The following METAP1 variants were observed in gnomAD, a reference collection of about 807,000 sequenced individuals.
METAP1 encodes methionine aminopeptidase 1.
A neutral mutation model predicts 53.8 loss-of-function variants in METAP1; 28 were observed. The observed-to-expected ratio is 0.52, with a 90% CI of 0.39 to 0.71. The LOEUF (loss-of-function observed/expected upper bound fraction) is 0.71, where lower values mean the gene tolerates loss of function less well. Among genes scored for constraint, METAP1 ranks in the 30% least tolerant of loss-of-function variants. METAP1 has a pLI of 0.00. For synonymous variants in METAP1, 181 were observed against 165.7 expected (o/e 1.09, Z -0.71); for missense variants, 389 against 479.8 (o/e 0.81, Z 1.77).
At chr4:99,026,995 C>A in intron 1 of METAP1, 2 of 359,120 alleles carry the variant, frequency 5.6e-6, no homozygotes, top group South Asian at 1.1e-4. Flanking sequence ...ATTCTATCAG[C>A]CCTCTTGTTA....
chr4:99,015,715 T>C (rs189291298), intron 1 of METAP1, among the ~76,000 whole-genome samples: 30 of 152,306 alleles, frequency 2.0e-4, no homozygotes, highest in African/African-American at 5.5e-4. Context: ...CATAGATATT[T>C]TTCTGAAGAG....
chr4:98,998,384 G>A (rs1321198565), intron 1 of METAP1, among the ~76,000 whole-genome samples: 7 of 151,996 alleles, frequency 4.6e-5, no homozygotes, highest in East Asian at 1.9e-4. Context: ...TTAGCTGGGC[G>A]TGGTGGCACA....
Position 99,025,308 on chromosome 4 carries a change from G to A in METAP1, c.115-3559G>A, listed in dbSNP as rs575546161. On this transcript the variant is annotated intron_variant, in intron 1 of 10. Transcript: ENST00000296411. ...GCTTGGAGGTTAGAAGCAAGACAGAGTTGGTTAGGTCAGATCTCTTTCACT... is the reference window on the plus strand; with the variant it reads ...GCTTGGAGGTTAGAAGCAAGACAGAATTGGTTAGGTCAGATCTCTTTCACT... 254 of 912,622 alleles carry A rather than the reference G, an allele frequency of 2.8e-4. 1 individual carries two copies. The African/African-American group carries it at 4.3e-3, about 15-fold the overall frequency. The allele number at this position is 912,622 out of a possible 1,614,324, so 56.5% of individuals were successfully genotyped here.
intron 1 of METAP1, among the ~76,000 whole-genome samples, chr4:99,019,249 A>C (rs1723947779): frequency 6.6e-6 from 1 of 152,182 alleles, no homozygotes. Flanking sequence ...CTCCAGAATC[A>C]ATGAGGAATG....
At chr4:99,003,659 T>C (rs1475109904) in intron 1 of METAP1, among the ~76,000 whole-genome samples, 1 of 152,216 alleles carries the variant, frequency 6.6e-6, no homozygotes, top group African/African-American at 2.4e-5. Context: ...CTAAATTGTT[T>C]TTGATATTGA....
chr4:99,033,247 GTTTTA>G (rs1725177775), intron 2 of METAP1, among the ~76,000 whole-genome samples: 1 of 150,024 alleles, frequency 6.7e-6, no homozygotes, highest in Non-Finnish European at 1.5e-5. Flanking sequence ...TAAGAGGGGA[GTTTTA>G]TTTTTTTTTT....
chr4:99,027,168 C>T (rs1724619545), intron 1 of METAP1, among the ~76,000 whole-genome samples: 1 of 152,152 alleles, frequency 6.6e-6, no homozygotes, highest in African/African-American at 2.4e-5. Flanking sequence ...AAAATTTCCC[C>T]TTTGCCCTTT....
In METAP1 at chr4:99,035,456, C is replaced by G. The variant is rs1312356147; in HGVS notation, c.336C>G (p.Pro112=). 6.5e-7 allele frequency: 1 copy of G among 1,543,892 alleles called. No individual in the cohort carries two copies. The highest frequency in any genetic ancestry group is 1.4e-5 in the African/African-American group (1 of 72,842). ...YIQRPDYADH[P]LGMSESEQAL... is the part of the protein sequence containing the mutation. ...AAAGACCAGATTATGCTGATCATCC[C>G]TTAGGTAAGCTCTGCTATGTTGATT... The change falls in exon 4 of 11, where the codon CCC becomes CCG. Residue 112 remains proline, a synonymous_variant. Coordinates refer to ENST00000296411, the MANE Select transcript of METAP1 (RefSeq NM_015143.3).
intron 6 of METAP1, among the ~76,000 whole-genome samples, chr4:99,041,589 A>G (rs1362791368): frequency 6.6e-6 from 1 of 152,108 alleles, no homozygotes; most frequent in Non-Finnish European, 1.5e-5. Context: ...TCTGCCCATC[A>G]AAGAGAGACC....
At chr4:98,998,697 C>T (rs922851638) in intron 1 of METAP1, among the ~76,000 whole-genome samples, 1 of 150,064 alleles carries the variant, frequency 6.7e-6, no homozygotes, top group East Asian at 1.9e-4. Flanking sequence ...AGAGGCCTTT[C>T]TATCACACCA....
At chr4:99,031,780 G>A (rs2110339157) in intron 2 of METAP1, 2 of 417,806 alleles carry the variant, frequency 4.8e-6, no homozygotes, top group Non-Finnish European at 8.9e-6. Flanking sequence ...GCTGACCAGA[G>A]GAAGCAGCCT....
intron 10 of METAP1, among the ~76,000 whole-genome samples, chr4:99,059,111 TGTTTTCAGTA>T (rs1431439395): frequency 6.6e-6 from 1 of 152,206 alleles, no homozygotes; most frequent in Non-Finnish European, 1.5e-5. Flanking sequence ...CATGATGTAG[TGTTTTCAGTA>T]AGCAAATAAC....
At chr4:99,020,124 G>C (rs1724003473) in intron 1 of METAP1, among the ~76,000 whole-genome samples, 1 of 152,076 alleles carries the variant, frequency 6.6e-6, no homozygotes, top group South Asian at 2.1e-4. Context: ...CCCCATAGCA[G>C]CTCTGCAGAT....
chr4:99,031,473 C>G (rs1370098692), intron 2 of METAP1: 7 of 1,284,720 alleles, frequency 5.4e-6, no homozygotes, highest in Non-Finnish European at 7.1e-6. Context: ...CTCCCCTACC[C>G]ATTCACACTA....
At chr4:99,012,536 A>G (rs573300810) in intron 1 of METAP1, among the ~76,000 whole-genome samples, 1 of 151,854 alleles carries the variant, frequency 6.6e-6, no homozygotes, top group Non-Finnish European at 1.5e-5. Flanking sequence ...TGGCCTCCCA[A>G]AGTGCTGGGA....
intron 1 of METAP1, 99 bp from the exon 2 acceptor site, chr4:99,028,768 G>A (rs1176668134): frequency 1.2e-5 from 10 of 826,570 alleles, no homozygotes; most frequent in Non-Finnish European, 1.6e-5. Flanking sequence ...CTTGGTTTTT[G>A]CAAATAGTTT....
At chr4:99,016,766 A>G (rs73832524) in intron 1 of METAP1, among the ~76,000 whole-genome samples, 1,939 of 152,294 alleles carry the variant, frequency 0.013, 40 homozygotes, top group African/African-American at 0.044. Context: ...TCTTACAGAT[A>G]ATGCAGCTGT....
intron 2 of METAP1, among the ~76,000 whole-genome samples, chr4:99,032,802 A>G (rs1725141226): frequency 6.6e-6 from 1 of 152,196 alleles, no homozygotes; most frequent in Non-Finnish European, 1.5e-5. Context: ...TGTTTGACCC[A>G]ACTAGCAGTG....
chr4:99,045,399 ACCTTCC>A, intron 8 of METAP1, 89 bp downstream of exon 8: 1 of 1,445,168 alleles, frequency 6.9e-7, no homozygotes, highest in African/African-American at 1.4e-5. Context: ...CATTCCTTGT[ACCTTCC>A]AGGTTGCCCC....
Sources: allele counts gnomAD v4.1 joint callset (sites outside exome capture counted in the v4.1 genomes callset), GRCh38; gene constraint gnomAD v4.1.1; transcripts MANE v1.5; gene names NCBI Gene and HGNC (gene_info 2026-07-23, HGNC 2026-07-21).